The following GAD1 variants were observed in gnomAD, a reference collection of about 807,000 sequenced individuals.
The protein encoded by GAD1 is glutamate decarboxylase 1, also known as 67 kDa glutamic acid decarboxylase.
A neutral mutation model predicts 75.2 loss-of-function variants in GAD1; 35 were observed. The observed-to-expected ratio is 0.47, with a 90% CI of 0.36 to 0.62. GAD1 has a LOEUF of 0.62. GAD1 is among the 20% of genes least tolerant of loss of function. The pLI is 0.00. For missense variants in GAD1, 490 were observed against 758.5 expected (o/e 0.65, Z 4.16); for synonymous variants, 257 against 271.9 (o/e 0.95, Z 0.54).
chr2:170,854,160 T>C, intron 14 of GAD1, 138 bp downstream of exon 14: 1 of 897,536 alleles, frequency 1.1e-6, no homozygotes, highest in Non-Finnish European at 1.8e-6. Flanking sequence ...AACTGTGTTT[T>C]CTTTGTGAAT....
At chr2:170,826,866 A>C (rs190837897) in intron 3 of GAD1, among the ~76,000 whole-genome samples, 1 of 152,196 alleles carries the variant, frequency 6.6e-6, no homozygotes, top group Non-Finnish European at 1.5e-5. Flanking sequence ...GCAGTCTCAG[A>C]GTTCAGGTGC....
Position 170,854,090 on chromosome 2 carries a change from G to A in GAD1, c.1413+68G>A. 12 of 1,525,174 alleles carry A rather than the reference G, an allele frequency of 7.9e-6. No homozygotes were observed. The South Asian group carries it at 1.3e-4, about 17-fold the overall frequency. 94.5% of individuals were successfully genotyped at this position (1,525,174 alleles called of 1,614,324 possible). On this transcript the variant is annotated intron_variant, in intron 14 of 16. Transcript: ENST00000358196. ...TGCACAGACTGGCTGGCAAAAGAGG[G>A]GCAAAGATATATCACAGATAATTCA...
intron 2 of GAD1, 192 bp from the exon 3 acceptor site, chr2:170,821,895 G>C: frequency 1.6e-6 from 1 of 609,852 alleles, no homozygotes; most frequent in Non-Finnish European, 2.9e-6. Context: ...AGCAGGAAGG[G>C]AGTATGATGG....
In GAD1 at chr2:170,830,946, T is replaced by A; in HGVS notation, c.305-4T>A. ...AAAACCATTCATTGCTCTCCCCAAT[T>A]CAGATCTGCTTCCGGCTAAGAACGG... On this transcript the variant is annotated splice_polypyrimidine_tract_variant and splice_region_variant and intron_variant, in intron 4 of 16. Transcript: ENST00000358196. 1 of 1,614,164 alleles carries A rather than the reference T, an allele frequency of 6.2e-7. No homozygotes were observed. The highest frequency in any genetic ancestry group is 8.5e-7 in the Non-Finnish European group (1 of 1,180,022).
At chr2:170,855,972 G>A (rs1263604088) in intron 14 of GAD1, among the ~76,000 whole-genome samples, 1 of 150,544 alleles carries the variant, frequency 6.6e-6, no homozygotes, top group Non-Finnish European at 1.5e-5. Flanking sequence ...TCAGTAATTT[G>A]TGTCTTCTTT....
At chr2:170,828,101 TGCTGTCC>T (rs1702072666) in intron 3 of GAD1, among the ~76,000 whole-genome samples, 2 of 6,922 alleles carry the variant, frequency 2.9e-4, no homozygotes, top group South Asian at 5.8e-3. Context: ...CTCCTCCTTC[TGCTGTCC>T]TCCCTCTGCT....
Position 170,854,701 on chromosome 2 carries a change from G to A in GAD1, c.1413+679G>A, listed in dbSNP as rs561799282. On this transcript the variant is annotated intron_variant, in intron 14 of 16. Transcript: ENST00000358196. Reference sequence around the variant, plus strand: ...ATTACAGGCGTGAGCCACCGCGCCCGGCCCCTTGAATTCTTTTATGAGGCT... The same window carrying A: ...ATTACAGGCGTGAGCCACCGCGCCCAGCCCCTTGAATTCTTTTATGAGGCT... Among the ~76,000 whole-genome samples the A allele has an allele frequency of 2.4e-4, 37 of 152,194 alleles. No individual in the cohort carries two copies. In the South Asian group the frequency reaches 2.9e-3, roughly 12 times the overall value.
intron 6 of GAD1, among the ~76,000 whole-genome samples, chr2:170,841,807 G>A (rs1470945551): frequency 6.6e-6 from 1 of 152,092 alleles, no homozygotes; most frequent in Non-Finnish European, 1.5e-5. Flanking sequence ...GTGGAAAATT[G>A]GTCCTTTAGA....
intron 12 of GAD1, among the ~76,000 whole-genome samples, chr2:170,850,844 G>A (rs1036260110): frequency 3.9e-5 from 6 of 152,028 alleles, no homozygotes; most frequent in Admixed American, 2.0e-4. Flanking sequence ...TGAAACCCCC[G>A]TCTCTACTAA....
chr2:170,831,585 T>C (rs1281129208), intron 5 of GAD1, among the ~76,000 whole-genome samples: 2 of 141,168 alleles, frequency 1.4e-5, no homozygotes, highest in Non-Finnish European at 3.0e-5. Context: ...CGAAACCTTG[T>C]CTCTACATAT....
chr2:170,849,456 G>A (rs147016616), intron 12 of GAD1, 106 bp downstream of exon 12: 10 of 1,113,328 alleles, frequency 9.0e-6, no homozygotes, highest in African/African-American at 3.1e-5. Flanking sequence ...ATCATATTTC[G>A]GTCTAAGTTT....
chr2:170,818,428 C>T lies in GAD1; in HGVS notation c.-63-101C>T. ...TTTCCTCCCTCTTGTCTCTCCAGAG[C>T]CGGATCTTCAAGGGGAGCCTCCGTG... On this transcript the variant is annotated intron_variant, in intron 1 of 16. Coordinates refer to ENST00000358196, the MANE Select transcript of GAD1 (RefSeq NM_000817.3). This position sits in a 1 kb window ranked among gnomAD's most constrained non-coding sequence, Gnocchi z 5.9. The T allele has an allele frequency of 2.8e-6, 2 of 711,110 alleles. No homozygotes were observed. Among genetic ancestry groups the T allele is most frequent in the Non-Finnish European group, 5.1e-6 (2 of 388,982 alleles). 44.1% of individuals were successfully genotyped at this position (711,110 alleles called of 1,614,324 possible).
chr2:170,848,037 G>T (rs1477469741), intron 11 of GAD1, among the ~76,000 whole-genome samples: 1 of 152,114 alleles, frequency 6.6e-6, no homozygotes, highest in Non-Finnish European at 1.5e-5. Context: ...CCTAGAATAT[G>T]GTCTCATTGC....
intron 3 of GAD1, among the ~76,000 whole-genome samples, chr2:170,825,727 C>G (rs1325650687): frequency 6.6e-6 from 1 of 152,190 alleles, no homozygotes; most frequent in African/African-American, 2.4e-5. Flanking sequence ...GATTTTTCTC[C>G]CCTTGCGGCT....
chr2:170,829,401 G>T, intron 3 of GAD1, 74 bp from the exon 4 acceptor site: 1 of 1,508,430 alleles, frequency 6.6e-7, no homozygotes, highest in Non-Finnish European at 9.2e-7. Flanking sequence ...TTGGAGAGTT[G>T]ATTCACTCTG....
intron 4 of GAD1, among the ~76,000 whole-genome samples, chr2:170,830,094 A>G (rs1457794099): frequency 6.6e-6 from 1 of 152,144 alleles, no homozygotes. Context: ...GCTGCCCCAC[A>G]ACACTCATCT....
chr2:170,852,715 G>A lies in GAD1; in HGVS notation c.1186G>A (p.Ala396Thr). The A allele has an allele frequency of 6.2e-7, 1 of 1,613,970 alleles. No individual in the cohort carries two copies. The highest frequency in any genetic ancestry group is 8.5e-7 in the Non-Finnish European group (1 of 1,179,890). The change falls in exon 13 of 17, where the codon GCC (alanine) becomes ACC (threonine). Residue 396 changes from alanine to threonine, a missense_variant and splice_region_variant. By Grantham distance (58) the Ala-to-Thr change is moderately conservative (BLOSUM62 0). Coordinates refer to ENST00000358196, the MANE Select transcript of GAD1 (RefSeq NM_000817.3). The stretch of plus-strand genomic sequence containing the variant: ...CGAAGTCTCATGTGCTTCTTTCAGG[G>A]CCAACTCAGTCACCTGGAACCCTCA... The part of the protein sequence containing the change: ...HRHKLNGIER[A>T]NSVTWNPHKM...
At chr2:170,842,836 T>G in intron 6 of GAD1, 5 of 966,936 alleles carry the variant, frequency 5.2e-6, no homozygotes, top group Non-Finnish European at 7.4e-6. Context: ...CATCCACAAT[T>G]AAAACTTAGT....
At chr2:170,839,310 A>G (rs575945332) in intron 6 of GAD1, among the ~76,000 whole-genome samples, 14 of 152,352 alleles carry the variant, frequency 9.2e-5, no homozygotes, top group Non-Finnish European at 1.8e-4. Flanking sequence ...AAGGTGTCTG[A>G]CTATTAGAAT....
Sources: allele counts gnomAD v4.1 joint callset (sites outside exome capture counted in the v4.1 genomes callset), GRCh38; gene constraint gnomAD v4.1.1; non-coding constraint Gnocchi (gnomAD v3.1); transcripts MANE v1.5; gene names NCBI Gene and HGNC (gene_info 2026-07-23, HGNC 2026-07-21).